The following RAP1GAP variants were observed in gnomAD, a reference collection of about 807,000 sequenced individuals.
RAP1GAP encodes the protein RAP1 GTPase activating protein.
Under a neutral mutation model 87.2 loss-of-function variants are expected in RAP1GAP, and 35 were observed. That is an observed-to-expected ratio of 0.40 (90% CI 0.31 to 0.53). The LOEUF is 0.53. Ranked by LOEUF, RAP1GAP falls within the 20% of genes least tolerant of loss-of-function variation. The pLI is 0.48. For missense variants in RAP1GAP, 734 were observed against 898.9 expected (o/e 0.82, Z 2.35); for synonymous variants, 375 against 363.9 (o/e 1.03, Z -0.35).
chr1:21,638,394 T>G (rs1364392971), intron 2 of RAP1GAP, among the ~76,000 whole-genome samples: 1 of 150,486 alleles, frequency 6.6e-6, no homozygotes, highest in Non-Finnish European at 1.5e-5. Context: ...GAGGCAGAGG[T>G]TGCAGTGAAC....
intron 2 of RAP1GAP, among the ~76,000 whole-genome samples, chr1:21,648,768 A>G (rs2096306707): frequency 6.6e-6 from 1 of 152,090 alleles, no homozygotes; most frequent in African/African-American, 2.4e-5. Flanking sequence ...GCAGCAGGAG[A>G]TGATGCCCAG....
chr1:21,649,231 C>T (rs1384059921), intron 2 of RAP1GAP, among the ~76,000 whole-genome samples: 1 of 152,000 alleles, frequency 6.6e-6, no homozygotes, highest in Non-Finnish European at 1.5e-5. Flanking sequence ...GAGAGGGCAG[C>T]CCCAGACACA....
chr1:21,659,406 G>T (rs1224531574), intron 1 of RAP1GAP, among the ~76,000 whole-genome samples: 1 of 152,138 alleles, frequency 6.6e-6, no homozygotes, highest in Admixed American at 6.5e-5. Context: ...CCGCGCGCTC[G>T]CCACCCCCCG....
intron 13 of RAP1GAP, 117 bp from the exon 14 acceptor site, chr1:21,610,392 C>A (rs911424218): frequency 3.6e-6 from 4 of 1,105,460 alleles, no homozygotes; most frequent in Non-Finnish European, 5.2e-6. Context: ...TAAGGATTTG[C>A]TTTCCCCAAA....
Position 21,622,098 on chromosome 1 carries a change from C to A in RAP1GAP, c.-18-2048G>T, listed in dbSNP as rs980715051. ...CGACGGTAGCACGCACCCACACACA[C>A]CCTGCCGCTGCAGCCCAGAGCCACA... On this transcript the variant is annotated intron_variant, in intron 3 of 24. Coordinates refer to ENST00000374765, the MANE Select transcript of RAP1GAP (RefSeq NM_002885.4). This position sits in a 1 kb window ranked among gnomAD's most constrained non-coding sequence, Gnocchi z 5.7. Among the ~76,000 whole-genome samples the A allele has an allele frequency of 2.0e-4, 31 of 152,332 alleles. No homozygotes were observed. Among genetic ancestry groups the A allele is most frequent in the African/African-American group, 7.5e-4 (31 of 41,590 alleles).
chr1:21,619,311 A>C (rs2084856926), intron 4 of RAP1GAP, among the ~76,000 whole-genome samples: 1 of 151,850 alleles, frequency 6.6e-6, no homozygotes, highest in Non-Finnish European at 1.5e-5. Flanking sequence ...GCGGGAACGC[A>C]CGTGCCGCTG....
intron 2 of RAP1GAP, among the ~76,000 whole-genome samples, chr1:21,641,426 A>G (rs1245217982): frequency 1.3e-5 from 2 of 152,162 alleles, no homozygotes; most frequent in Non-Finnish European, 1.5e-5. Context: ...TTCAGGCCTC[A>G]GAGAGGCCCC....
chr1:21,644,354 T>C (rs1461745430), intron 2 of RAP1GAP, among the ~76,000 whole-genome samples: 1 of 152,080 alleles, frequency 6.6e-6, no homozygotes, highest in Non-Finnish European at 1.5e-5. Context: ...CAGCGCAGGG[T>C]GACAAGCAAA....
chr1:21,651,792 C>A, intron 1 of RAP1GAP: 1 of 1,396,778 alleles, frequency 7.2e-7, no homozygotes, highest in Non-Finnish European at 9.3e-7. Context: ...CCGTAGGCCC[C>A]GAAGGTGAAG....
chr1:21,606,164 C>A lies in RAP1GAP; in HGVS notation c.1330G>T (p.Ala444Ser). 1 of 1,585,804 alleles carries A rather than the reference C, an allele frequency of 6.3e-7. No homozygotes were observed. The highest frequency in any genetic ancestry group is 8.6e-7 in the Non-Finnish European group (1 of 1,166,372). ...GGCTTCTTGTTGCTCAGCCCCATGGCATCCATGGACTGGCTGCGGCTCCGG... is the reference window on the plus strand; with the variant it reads ...GGCTTCTTGTTGCTCAGCCCCATGGAATCCATGGACTGGCTGCGGCTCCGG... ...VIRSRSQSMDAMGLSNKKPNT... is the reference protein window; with the variant it reads ...VIRSRSQSMDSMGLSNKKPNT... Residue 444 changes from alanine to serine, a missense_variant, in exon 18 of 25, where the codon GCC (alanine) becomes TCC (serine). This residue lies in a region of RAP1GAP where 485 missense variants were observed against 646.2 expected (regional missense o/e 0.75). Transcript: ENST00000374765.
intron 1 of RAP1GAP, among the ~76,000 whole-genome samples, chr1:21,661,737 A>G (rs998441464): frequency 7.2e-5 from 11 of 152,250 alleles, no homozygotes; most frequent in African/African-American, 2.4e-4. Context: ...TAGTACTATT[A>G]CTGGACACGT....
At chr1:21,649,659 G>T in intron 2 of RAP1GAP, 102 bp downstream of exon 2, 1 of 1,341,724 alleles carries the variant, frequency 7.5e-7, no homozygotes, top group Non-Finnish European at 1.0e-6. Context: ...TTGGAAGCTT[G>T]GTAAGGTCTG....
Position 21,618,358 on chromosome 1 carries a change from C to G in RAP1GAP, c.67-386G>C, listed in dbSNP as rs558147889. The stretch of plus-strand genomic sequence containing the variant: ...TGCCCCAAAGAGAGCATCAGGCTTA[C>G]TGCCCATGCACCCTCCTCTAACCCT... On this transcript the variant is annotated intron_variant, in intron 5 of 24. Transcript: ENST00000374765. Among the ~76,000 whole-genome samples the G allele has an allele frequency of 8.5e-5, 13 of 152,332 alleles. No individual in the cohort carries two copies. In the East Asian group the frequency reaches 2.3e-3, roughly 27 times the overall value.
chr1:21,611,138 AC>A (rs2077956546), intron 13 of RAP1GAP, among the ~76,000 whole-genome samples: 1 of 152,018 alleles, frequency 6.6e-6, no homozygotes, highest in Non-Finnish European at 1.5e-5. Flanking sequence ...TCCCCACATG[AC>A]CCCATGATGC....
intron 2 of RAP1GAP, among the ~76,000 whole-genome samples, chr1:21,643,868 C>G (rs974916511): frequency 6.6e-6 from 1 of 152,188 alleles, no homozygotes; most frequent in African/African-American, 2.4e-5. Flanking sequence ...GGTATTTGAA[C>G]TCAGGTCTAC....
intron 2 of RAP1GAP, among the ~76,000 whole-genome samples, chr1:21,635,937 T>A (rs539078173): frequency 5.9e-5 from 9 of 152,164 alleles, no homozygotes; most frequent in Non-Finnish European, 8.8e-5. Context: ...GGAAACTGAG[T>A]TCACCAAGGA....
At chr1:21,659,554 C>T (rs970023006) in intron 1 of RAP1GAP, among the ~76,000 whole-genome samples, 1 of 152,210 alleles carries the variant, frequency 6.6e-6, no homozygotes, top group Non-Finnish European at 1.5e-5. Flanking sequence ...GCCGCCCCCT[C>T]CCGCGGGACC....
At chr1:21,663,038 T>C (rs1466577074) in intron 1 of RAP1GAP, among the ~76,000 whole-genome samples, 4 of 152,078 alleles carry the variant, frequency 2.6e-5, no homozygotes, top group African/African-American at 4.8e-5. Context: ...CTGACTGCCA[T>C]TGGGTGGGCC....
rs1252721993 is a variant in RAP1GAP at position 21,626,416 on chromosome 1, G to C, written c.-112-19C>G. ...GCTCCTCCTGGAAGAGAAAGAGTCTGAGGTCAGGGAGAGCCCCAAGCCAGG... is the reference window on the plus strand; with the variant it reads ...GCTCCTCCTGGAAGAGAAAGAGTCTCAGGTCAGGGAGAGCCCCAAGCCAGG... On this transcript the variant is annotated intron_variant, in intron 2 of 24. Transcript: ENST00000374765. The C allele has an allele frequency of 1.9e-6, 3 of 1,591,690 alleles. No individual in the cohort carries two copies. In the Admixed American group the frequency reaches 5.0e-5, roughly 27 times the overall value.
Sources: allele counts gnomAD v4.1 joint callset (sites outside exome capture counted in the v4.1 genomes callset), GRCh38; gene constraint gnomAD v4.1.1; regional missense constraint gnomAD v4.1.1; non-coding constraint Gnocchi (gnomAD v3.1); transcripts MANE v1.5; gene names NCBI Gene and HGNC (gene_info 2026-07-23, HGNC 2026-07-21).